CCDC149: variants seen among roughly 807,000 people sequenced by gnomAD.
CCDC149 encodes the protein coiled-coil domain containing 149, also known as coiled-coil domain-containing protein 149.
Under a neutral mutation model 59.9 loss-of-function variants are expected in CCDC149, and 45 were observed. The ratio of observed to expected loss-of-function variants is 0.75; its 90% CI spans 0.59 to 0.96. The LOEUF (loss-of-function observed/expected upper bound fraction) is 0.96, where lower values mean the gene tolerates loss of function less well. CCDC149 is among the 40% of genes least tolerant of loss of function. The pLI is 0.00. For missense variants in CCDC149, 584 were observed against 664.7 expected (o/e 0.88, Z 1.33); for synonymous variants, 245 against 260.6 (o/e 0.94, Z 0.58).
chr4:24,953,609 A>G (rs145039531), intron 1 of CCDC149, among the ~76,000 whole-genome samples: 3 of 152,372 alleles, frequency 2.0e-5, no homozygotes, highest in Admixed American at 2.0e-4. Context: ...CCGGATTATT[A>G]TATACAAATG....
At chr4:24,940,685 A>G (rs1163086771) in intron 1 of CCDC149, among the ~76,000 whole-genome samples, 1 of 152,242 alleles carries the variant, frequency 6.6e-6, no homozygotes, top group Non-Finnish European at 1.5e-5. Flanking sequence ...GGCTCAAAAT[A>G]AAAGGATGGA....
upstream of CCDC149, among the ~76,000 whole-genome samples, chr4:24,916,879 C>T (rs1380956062): frequency 6.6e-6 from 1 of 150,494 alleles, no homozygotes; most frequent in South Asian, 2.1e-4. Flanking sequence ...TTTGACAGGT[C>T]CTGCCAGGAG....
chr4:24,841,388 G>A (rs1251063640), intron 4 of CCDC149, among the ~76,000 whole-genome samples: 1 of 152,206 alleles, frequency 6.6e-6, no homozygotes, highest in East Asian at 1.9e-4. Flanking sequence ...AGGTCTGACA[G>A]CCATATAAGA....
chr4:24,942,208 G>A (rs1456394346), intron 1 of CCDC149, among the ~76,000 whole-genome samples: 1 of 152,070 alleles, frequency 6.6e-6, no homozygotes, highest in Non-Finnish European at 1.5e-5. Context: ...ATGATCAAGT[G>A]GGCTTCATCC....
intron 1 of CCDC149, among the ~76,000 whole-genome samples, chr4:24,911,966 G>T (rs1721899083): frequency 1.3e-5 from 2 of 152,196 alleles, no homozygotes; most frequent in Non-Finnish European, 2.9e-5. Flanking sequence ...CCCGGCATGG[G>T]TAAGTAACAC....
chr4:24,832,980 A>T (rs1032039699), intron 8 of CCDC149, among the ~76,000 whole-genome samples: 1 of 152,084 alleles, frequency 6.6e-6, no homozygotes, highest in Non-Finnish European at 1.5e-5. Flanking sequence ...CCCATTCTAC[A>T]TCTGCAACTT....
intron 3 of CCDC149, among the ~76,000 whole-genome samples, chr4:24,865,265 C>T (rs567578590): frequency 1.2e-4 from 18 of 152,032 alleles, no homozygotes; most frequent in African/African-American, 4.3e-4. Context: ...ACTCTGAGAC[C>T]CTTAAATCCA....
At chr4:24,951,870 CT>C (rs1451899626) in intron 1 of CCDC149, among the ~76,000 whole-genome samples, 1 of 152,206 alleles carries the variant, frequency 6.6e-6, no homozygotes, top group Non-Finnish European at 1.5e-5. Context: ...AAAGCCCACA[CT>C]GCAGATGCAC....
At chr4:24,817,691 TCCG>T (rs1715104918) in intron 12 of CCDC149, among the ~76,000 whole-genome samples, 1 of 148,782 alleles carries the variant, frequency 6.7e-6, no homozygotes, top group African/African-American at 2.5e-5. Context: ...GGCTCCCTCA[TCCG>T]TATGCAAGAG....
At chr4:24,942,820 C>T (rs1190295719) in intron 1 of CCDC149, among the ~76,000 whole-genome samples, 1 of 151,826 alleles carries the variant, frequency 6.6e-6, no homozygotes, top group Admixed American at 6.6e-5. Flanking sequence ...GAATAAAATG[C>T]CTAGGAATCC....
At chr4:24,810,409 G>A (rs148887440) in intron 12 of CCDC149, among the ~76,000 whole-genome samples, 19 of 152,288 alleles carry the variant, frequency 1.2e-4, no homozygotes, top group African/African-American at 3.6e-4. Context: ...TAACCAGGAT[G>A]AGAAACAAAA....
chr4:24,958,220 G>A (rs1723524410), intron 1 of CCDC149, among the ~76,000 whole-genome samples: 1 of 152,162 alleles, frequency 6.6e-6, no homozygotes, highest in East Asian at 1.9e-4. Context: ...CCCTGCATAT[G>A]GTAGCGTACC....
intron 1 of CCDC149, among the ~76,000 whole-genome samples, chr4:24,963,902 C>T (rs1450006676): frequency 6.6e-6 from 1 of 152,154 alleles, no homozygotes; most frequent in Non-Finnish European, 1.5e-5. Context: ...TGGCTCATGC[C>T]TATAATCCTA....
chr4:24,925,556 G>A (rs1027641919), intron 1 of CCDC149, among the ~76,000 whole-genome samples: 1 of 152,108 alleles, frequency 6.6e-6, no homozygotes, highest in Non-Finnish European at 1.5e-5. Flanking sequence ...CAACTTTATA[G>A]ACAAAAATCA....
intron 4 of CCDC149, among the ~76,000 whole-genome samples, chr4:24,841,601 T>G (rs983107358): frequency 1.3e-5 from 2 of 152,210 alleles, no homozygotes; most frequent in Non-Finnish European, 2.9e-5. Context: ...TGAGGGGGTC[T>G]AAGGACGTCA....
At chr4:24,894,989 T>C in intron 1 of CCDC149, 1 of 1,536,164 alleles carries the variant, frequency 6.5e-7, no homozygotes, top group Non-Finnish European at 8.7e-7. Flanking sequence ...GGTTTGTCAA[T>C]ACCTCAGAAT....
intron 9 of CCDC149, chr4:24,826,865 A>G (rs1430801638): frequency 1.3e-5 from 2 of 152,236 alleles, no homozygotes; most frequent in Non-Finnish European, 2.9e-5. Flanking sequence ...CTCTTCAAGT[A>G]GCTTAGCAGG....
chr4:24,820,542 G>A (rs983840264), intron 11 of CCDC149, among the ~76,000 whole-genome samples: 1 of 152,088 alleles, frequency 6.6e-6, no homozygotes, highest in African/African-American at 2.4e-5. Context: ...AGGATGAGGA[G>A]GAGAAAAATA....
Position 24,808,543 on chromosome 4 carries a change from C to T in CCDC149, c.1469G>A (p.Gly490Glu), listed in dbSNP as rs562590654. 185 of 1,549,176 alleles carry T rather than the reference C, an allele frequency of 1.2e-4. 1 individual carries two copies. The South Asian group carries it at 2.0e-3, about 17-fold the overall frequency. ...GATGGCCAGGCCTGGCGGGGCTGGC[C>T]CCGTCTCACTCCTCTGACCTTCTAT... Residue 490 changes from glycine (G) to glutamate (E), a missense_variant, in exon 13 of 13, where the codon GGG becomes GAG. Gly to Glu is a moderately conservative substitution (Grantham distance 98, BLOSUM62 -2). Transcript: ENST00000635206.
Sources: gnomAD v4.1 joint callset for allele counts (sites outside exome capture counted in the v4.1 genomes callset) on GRCh38, gnomAD v4.1.1 for gene constraint, MANE v1.5 for transcripts, NCBI Gene and HGNC (gene_info 2026-07-23, HGNC 2026-07-21) for gene names.